The following RGS22 variants were observed in gnomAD, a reference collection of about 807,000 sequenced individuals.
The protein encoded by RGS22 is regulator of G protein signaling 22.
Under a neutral mutation model 172.9 loss-of-function variants are expected in RGS22, and 148 were observed. The ratio of observed to expected loss-of-function variants is 0.86; its 90% CI spans 0.75 to 0.98. The LOEUF is 0.98. RGS22 is among the 50% of genes least tolerant of loss of function. RGS22 has a pLI of 0.00. For missense variants in RGS22, 1,347 were observed against 1,440.8 expected (o/e 0.93, Z 1.05); for synonymous variants, 458 against 480.2 (o/e 0.95, Z 0.60).
intron 23 of RGS22, among the ~76,000 whole-genome samples, chr8:99,974,922 C>T (rs1306684386): frequency 2.0e-5 from 3 of 151,448 alleles, no homozygotes; most frequent in African/African-American, 4.8e-5. Flanking sequence ...CCAAGGTGGG[C>T]GGATTACTTG....
At chr8:100,049,943 G>A (rs1376037624) in intron 10 of RGS22, among the ~76,000 whole-genome samples, 1 of 151,940 alleles carries the variant, frequency 6.6e-6, no homozygotes, top group Non-Finnish European at 1.5e-5. Context: ...CAGCTACTTG[G>A]GAGACTGAGG....
chr8:99,992,063 T>C (rs1813790746), intron 20 of RGS22, among the ~76,000 whole-genome samples: 1 of 152,076 alleles, frequency 6.6e-6, no homozygotes, highest in Non-Finnish European at 1.5e-5. Context: ...GACAAGCAAA[T>C]GCTGAGAGAT....
rs1248445387 is a variant in RGS22 at position 100,080,450 on chromosome 8, C to T, written c.118-95G>A. On this transcript the variant is annotated intron_variant, in intron 3 of 27. Coordinates refer to ENST00000360863, the MANE Select transcript of RGS22 (RefSeq NM_015668.5). ...GTGGTTTACATACATGCATGCATAC[C>T]TCACAGAGTTCTGTGTTTGTAATCA... is the stretch of plus-strand genomic sequence containing the variant. 3.0e-5 allele frequency: 24 copies of T among 788,376 alleles called. 1 individual carries two copies. In the South Asian group the frequency reaches 4.4e-4, roughly 14 times the overall value. The allele number at this position is 788,376 out of a possible 1,614,324, so 48.8% of individuals were successfully genotyped here.
In RGS22 at chr8:100,058,646, A is replaced by C. The variant is rs540234200; in HGVS notation, c.1514+3945T>G. Among the ~76,000 whole-genome samples the C allele has an allele frequency of 2.6e-5, 4 of 152,282 alleles. No individual in the cohort carries two copies. In the East Asian group the frequency reaches 7.7e-4, roughly 29 times the overall value. On this transcript the variant is annotated intron_variant, in intron 9 of 27. Coordinates refer to ENST00000360863, the MANE Select transcript of RGS22 (RefSeq NM_015668.5). ...TTTACCCTAGCATAGTATATCCAAC[A>C]AAAATATCCTTCAAATATGAAGGAG... is the stretch of plus-strand genomic sequence containing the variant.
intron 14 of RGS22, chr8:100,023,966 T>G (rs1414042474): frequency 6.5e-6 from 1 of 152,828 alleles, no homozygotes; most frequent in Admixed American, 6.5e-5. Flanking sequence ...CCTTTTTTTG[T>G]TGTTTTTTGT....
intron 13 of RGS22, among the ~76,000 whole-genome samples, chr8:100,039,698 G>C (rs1013846111): frequency 1.3e-5 from 2 of 151,876 alleles, no homozygotes; most frequent in Admixed American, 6.6e-5. Context: ...TTGAGCAAAA[G>C]TAAGACTGAT....
intron 14 of RGS22, among the ~76,000 whole-genome samples, chr8:100,013,443 CTCTT>C (rs1249282409): frequency 6.6e-6 from 1 of 152,040 alleles, no homozygotes; most frequent in African/African-American, 2.4e-5. Flanking sequence ...CTTGCCTTTA[CTCTT>C]TCTGTTTTAA....
intron 14 of RGS22, among the ~76,000 whole-genome samples, chr8:100,035,138 G>A (rs1219592811): frequency 6.6e-6 from 1 of 152,004 alleles, no homozygotes; most frequent in Non-Finnish European, 1.5e-5. Context: ...GTTTCTGCAT[G>A]GCAAAAGAAA....
Position 99,962,932 on chromosome 8 carries a change from C to T in RGS22, c.3662G>A (p.Arg1221Lys). The change falls in exon 25 of 28, where the codon AGA (arginine) becomes AAA (lysine). Residue 1221 changes from arginine (R) to lysine (K), a missense_variant. Coordinates refer to ENST00000360863, the MANE Select transcript of RGS22 (RefSeq NM_015668.5). Reference sequence around the variant, plus strand: ...TTCTTCTTGGATCTTAAGAAGAATTCTCTCCTGTTCTAAGGCTTCTATATA... The same window carrying T: ...TTCTTCTTGGATCTTAAGAAGAATTTTCTCCTGTTCTAAGGCTTCTATATA... ...SKYIEALEQE[R>K]ILLKIQEELE... 6.2e-7 allele frequency: 1 copy of T among 1,600,122 alleles called. No individual in the cohort carries two copies. Among genetic ancestry groups the T allele is most frequent in the East Asian group, 2.2e-5 (1 of 44,752 alleles).
chr8:100,074,925 G>A (rs1240239671), intron 4 of RGS22, among the ~76,000 whole-genome samples: 2 of 151,844 alleles, frequency 1.3e-5, no homozygotes, highest in Non-Finnish European at 2.9e-5. Context: ...CCACCACCAC[G>A]CCCGGCTAAT....
At chr8:99,986,587 A>G (rs1439970167) in intron 21 of RGS22, among the ~76,000 whole-genome samples, 3 of 152,234 alleles carry the variant, frequency 2.0e-5, no homozygotes, top group African/African-American at 7.2e-5. Context: ...TCTAGACAAC[A>G]TAACATGGAA....
At position 100,002,302 on chromosome 8, in the gene RGS22, T is replaced by C. The variant is rs761730718; in HGVS notation, c.2690A>G (p.Asn897Ser). ...QFRRITYRDRNQRKAKSIYIK... is the reference protein window; with the variant it reads ...QFRRITYRDRSQRKAKSIYIK... ...GTATATAGATTTTGCCTTCCTTTGA[T>C]TTCGATCTCTGTAAGTTATTCTCCG... Residue 897 changes from asparagine (N) to serine (S), a missense_variant, in exon 18 of 28, where the codon AAT (asparagine) becomes AGT (serine). By Grantham distance (46) the Asn-to-Ser change is conservative. Coordinates refer to ENST00000360863, the MANE Select transcript of RGS22 (RefSeq NM_015668.5). The C allele has an allele frequency of 1.7e-5, 27 of 1,612,184 alleles. No homozygotes were observed. The highest frequency in any genetic ancestry group is 2.3e-5 in the Non-Finnish European group (27 of 1,179,438).
intron 9 of RGS22, among the ~76,000 whole-genome samples, chr8:100,056,957 G>A (rs1005127516): frequency 6.6e-6 from 1 of 152,194 alleles, no homozygotes; most frequent in Admixed American, 6.5e-5. Context: ...GCCCGGAAAA[G>A]ACGCAGACAC....
chr8:100,002,433 T>C, intron 17 of RGS22, 69 bp from the exon 18 acceptor site: 4 of 1,461,188 alleles, frequency 2.7e-6, no homozygotes, highest in Non-Finnish European at 3.7e-6. Context: ...AAACACCCGA[T>C]TGTTGTTTTG....
chr8:99,966,988 G>T (rs1019429018), intron 23 of RGS22, among the ~76,000 whole-genome samples: 3 of 152,208 alleles, frequency 2.0e-5, no homozygotes, highest in African/African-American at 7.2e-5. Flanking sequence ...GACCAACACA[G>T]AAGGAGGGTG....
chr8:100,054,667 G>C (rs1343595655), intron 9 of RGS22, among the ~76,000 whole-genome samples: 5 of 152,072 alleles, frequency 3.3e-5, no homozygotes, highest in Admixed American at 3.3e-4. Flanking sequence ...CACAGATTGG[G>C]AGTGAAAGAG....
chr8:100,033,985 A>T (rs1346848878), intron 14 of RGS22, among the ~76,000 whole-genome samples: 1 of 152,248 alleles, frequency 6.6e-6, no homozygotes. Flanking sequence ...AGAGCTATTT[A>T]TGACAAACCC....
At position 100,038,943 on chromosome 8, in the gene RGS22, G is replaced by C. The variant is rs749509266; in HGVS notation, c.2154C>G (p.Cys718Trp). 72 of 1,608,128 alleles carry C rather than the reference G, an allele frequency of 4.5e-5. No homozygotes were observed. The Admixed American group carries it at 1.2e-3, about 27-fold the overall frequency. Residue 718 changes from cysteine (C) to tryptophan (W), a missense_variant, in exon 14 of 28, where the codon TGC (cysteine) becomes TGG (tryptophan). Transcript: ENST00000360863. ...ATTTACTACGTACTTGCGCTTGCTT[G>C]CATACTTTAAAAGGCTGAAGTGTTT... ...YQETLQPFKV[C>W]KQAQYLFATY...
chr8:100,072,990 T>G (rs1177543457), intron 4 of RGS22, among the ~76,000 whole-genome samples: 1 of 152,090 alleles, frequency 6.6e-6, no homozygotes, highest in Admixed American at 6.5e-5. Context: ...GAGTATAGAT[T>G]TTATCTTGAG....
Sources: allele counts gnomAD v4.1 joint callset (sites outside exome capture counted in the v4.1 genomes callset), GRCh38; gene constraint gnomAD v4.1.1; transcripts MANE v1.5; gene names NCBI Gene and HGNC (gene_info 2026-07-23, HGNC 2026-07-21).